Variants in NELL1 observed in about 807,000 individuals in gnomAD.
The protein encoded by NELL1 is neural EGFL like 1.
A neutral mutation model predicts 107.4 loss-of-function variants in NELL1; 76 were observed. That is an observed-to-expected ratio of 0.71 (90% confidence interval 0.59 to 0.86). The LOEUF is 0.86. Among genes scored for constraint, NELL1 ranks in the 40% least tolerant of loss-of-function variants. The pLI is 0.00. For missense variants in NELL1, 1,024 were observed against 1,005.5 expected (o/e 1.02, Z -0.25); for synonymous variants, 353 against 341.2 (o/e 1.03, Z -0.38).
At chr11:21,476,444 G>A (rs1854334816) in intron 15 of NELL1, among the ~76,000 whole-genome samples, 1 of 152,098 alleles carries the variant, frequency 6.6e-6, no homozygotes, top group African/African-American at 2.4e-5. Flanking sequence ...TGGAGTACAA[G>A]GAATGTCACT....
intron 11 of NELL1, among the ~76,000 whole-genome samples, chr11:20,948,162 C>T (rs1393582868): frequency 6.6e-6 from 1 of 152,126 alleles, no homozygotes; most frequent in African/African-American, 2.4e-5. Context: ...CCTGCCTAAG[C>T]CTCCCAAGTA....
intron 12 of NELL1, among the ~76,000 whole-genome samples, chr11:21,008,224 A>G (rs991857327): frequency 6.6e-6 from 1 of 152,162 alleles, no homozygotes; most frequent in Non-Finnish European, 1.5e-5. Flanking sequence ...AGACTTGTCT[A>G]ACCTACTTCA....
intron 3 of NELL1, among the ~76,000 whole-genome samples, chr11:20,789,773 T>A (rs1857038625): frequency 6.6e-6 from 1 of 152,124 alleles, no homozygotes; most frequent in African/African-American, 2.4e-5. Context: ...TCCCAACAGG[T>A]GTTCAGCTCC....
intron 14 of NELL1, among the ~76,000 whole-genome samples, chr11:21,350,052 T>G (rs1176230777): frequency 6.6e-6 from 1 of 152,144 alleles, no homozygotes; most frequent in Non-Finnish European, 1.5e-5. Flanking sequence ...GCAGTCATGC[T>G]TGGGAGGCTT....
chr11:21,010,026 A>G (rs555574443), intron 12 of NELL1, among the ~76,000 whole-genome samples: 2 of 145,100 alleles, frequency 1.4e-5, no homozygotes, highest in African/African-American at 5.1e-5. Flanking sequence ...TTCTGGCTTA[A>G]CCCAGGAATG....
chr11:21,065,101 C>T (rs1017981569), intron 12 of NELL1, among the ~76,000 whole-genome samples: 17 of 151,902 alleles, frequency 1.1e-4, no homozygotes, highest in African/African-American at 4.1e-4. Context: ...TGAGCACATA[C>T]TTTCTTTTAT....
intron 15 of NELL1, among the ~76,000 whole-genome samples, chr11:21,453,879 A>G (rs752941426): frequency 1.4e-5 from 2 of 147,678 alleles, no homozygotes; most frequent in Non-Finnish European, 3.0e-5. Context: ...ATAACATTAA[A>G]CTGTTTTAGA....
chr11:21,426,321 C>A (rs968847856), intron 15 of NELL1, among the ~76,000 whole-genome samples: 5 of 152,136 alleles, frequency 3.3e-5, no homozygotes, highest in Admixed American at 3.3e-4. Context: ...ATCATTATAT[C>A]CCAGACCCTG....
chr11:20,779,017 G>A (rs1856805163), intron 2 of NELL1, among the ~76,000 whole-genome samples: 1 of 152,096 alleles, frequency 6.6e-6, no homozygotes. Flanking sequence ...GAGGACTGGA[G>A]CTGAGGTTAA....
chr11:21,521,862 G>A (rs776426888), intron 15 of NELL1, among the ~76,000 whole-genome samples: 46 of 152,140 alleles, frequency 3.0e-4, no homozygotes, highest in Non-Finnish European at 1.3e-4. Flanking sequence ...TAATAGCCAT[G>A]AGCATCTTTT....
intron 14 of NELL1, among the ~76,000 whole-genome samples, chr11:21,353,391 A>G (rs1850860394): frequency 6.6e-6 from 1 of 152,210 alleles, no homozygotes; most frequent in African/African-American, 2.4e-5. Context: ...GGCACAGAGG[A>G]GGTAACTTGC....
chr11:21,219,539 A>G (rs1857700176), intron 13 of NELL1, among the ~76,000 whole-genome samples: 1 of 152,156 alleles, frequency 6.6e-6, no homozygotes, highest in African/African-American at 2.4e-5. Context: ...GTCTTACCCT[A>G]AAATCTCTGC....
intron 2 of NELL1, among the ~76,000 whole-genome samples, chr11:20,751,122 A>G (rs1460498032): frequency 1.3e-5 from 2 of 151,360 alleles, no homozygotes; most frequent in Admixed American, 6.6e-5. Flanking sequence ...ACACTTTGCT[A>G]TTACTGCAGT....
intron 12 of NELL1, among the ~76,000 whole-genome samples, chr11:20,970,708 A>C (rs1288694006): frequency 2.0e-5 from 3 of 152,124 alleles, no homozygotes; most frequent in Non-Finnish European, 4.4e-5. Context: ...GCTGGACCAA[A>C]GGATTTTGGT....
At chr11:21,552,163 G>A (rs1415789356) in intron 16 of NELL1, among the ~76,000 whole-genome samples, 1 of 146,856 alleles carries the variant, frequency 6.8e-6, no homozygotes, top group Admixed American at 6.8e-5. Context: ...GGGAGGGATA[G>A]CATTAGGAGA....
Position 20,950,953 on chromosome 11 carries a change from C to A in NELL1, c.1171+3518C>A, listed in dbSNP as rs116590729. Among the ~76,000 whole-genome samples the A allele has an allele frequency of 4.0e-3, 611 of 152,326 alleles. 6 individuals carry two copies. The highest frequency in any genetic ancestry group is 0.014 in the African/African-American group (569 of 41,574). On this transcript the variant is annotated intron_variant, in intron 11 of 19. Transcript: ENST00000357134. ...ATCATCTCTCTCTTACTGTGACCAT[C>A]CGGTCATTAGTCTGAGAGAAATTAC...
chr11:20,700,941 C>A (rs1192209719), intron 2 of NELL1, among the ~76,000 whole-genome samples: 1 of 152,188 alleles, frequency 6.6e-6, no homozygotes, highest in Non-Finnish European at 1.5e-5. Context: ...CAAGTCTTTG[C>A]TATTGTGAAT....
chr11:21,183,969 T>G (rs1372300608), intron 13 of NELL1, among the ~76,000 whole-genome samples: 1 of 151,710 alleles, frequency 6.6e-6, no homozygotes, highest in Admixed American at 6.6e-5. Context: ...AAGAATAAAT[T>G]TGCCTGTTTT....
intron 3 of NELL1, among the ~76,000 whole-genome samples, chr11:20,832,251 T>TC (rs1246625447): frequency 1.3e-5 from 2 of 152,236 alleles, no homozygotes; most frequent in African/African-American, 4.8e-5. Context: ...TTTATGAGAC[T>TC]CTTCACAATG....
Sources: allele counts gnomAD v4.1 joint callset (sites outside exome capture counted in the v4.1 genomes callset), GRCh38; gene constraint gnomAD v4.1.1; transcripts MANE v1.5; gene names NCBI Gene and HGNC (gene_info 2026-07-23, HGNC 2026-07-21).